ADAMTS3: variants seen among roughly 807,000 people sequenced by gnomAD.
The protein encoded by ADAMTS3 is ADAM metallopeptidase with thrombospondin type 1 motif 3.
In ADAMTS3, 73 loss-of-function variants were observed where a neutral mutation model predicts 129.0. The ratio of observed to expected loss-of-function variants is 0.57; its 90% CI spans 0.47 to 0.69. ADAMTS3 has a LOEUF of 0.69. Ranked by LOEUF, ADAMTS3 falls within the 30% of genes least tolerant of loss-of-function variation. ADAMTS3 has a pLI of 0.00. For missense variants in ADAMTS3, 1,457 were observed against 1,514.5 expected (o/e 0.96, Z 0.63); for synonymous variants, 477 against 510.8 (o/e 0.93, Z 0.89).
chr4:72,454,804 G>A (rs1718499554), intron 3 of ADAMTS3, among the ~76,000 whole-genome samples: 1 of 151,662 alleles, frequency 6.6e-6, no homozygotes, highest in African/African-American at 2.4e-5. Context: ...TATGAAGCCA[G>A]AATCTGGGCT....
intron 4 of ADAMTS3, among the ~76,000 whole-genome samples, chr4:72,403,843 G>T (rs1359181764): frequency 2.6e-5 from 4 of 151,892 alleles, no homozygotes; most frequent in African/African-American, 9.7e-5. Flanking sequence ...ATAAATATTA[G>T]AACTTGCACA....
chr4:72,568,458 A>G (rs559787653), intron 1 of ADAMTS3, among the ~76,000 whole-genome samples: 2 of 152,206 alleles, frequency 1.3e-5, no homozygotes, highest in South Asian at 4.1e-4. Flanking sequence ...GTGAAGCCCT[A>G]GGTGTGACAA....
intron 3 of ADAMTS3, among the ~76,000 whole-genome samples, chr4:72,463,245 T>C (rs1718821236): frequency 6.6e-6 from 1 of 151,966 alleles, no homozygotes; most frequent in Non-Finnish European, 1.5e-5. Flanking sequence ...TCTGGGTTTG[T>C]GTAAGTACAC....
chr4:72,396,861 T>C (rs1721738598), intron 4 of ADAMTS3, among the ~76,000 whole-genome samples: 2 of 152,222 alleles, frequency 1.3e-5, no homozygotes, highest in Admixed American at 1.3e-4. Flanking sequence ...GCCTACGGAA[T>C]GCTGTTGCGC....
chr4:72,470,376 T>TATATATATAC (rs557625827), intron 3 of ADAMTS3, among the ~76,000 whole-genome samples: 161 of 137,966 alleles, frequency 1.2e-3, no homozygotes, highest in African/African-American at 2.1e-3. Flanking sequence ...TATATATATA[T>TATATATATAC]ACACACACAC....
chr4:72,349,354 G>A (rs758851195), intron 4 of ADAMTS3, among the ~76,000 whole-genome samples: 22 of 151,694 alleles, frequency 1.5e-4, no homozygotes, highest in South Asian at 2.1e-4. Flanking sequence ...TAAATCCTTC[G>A]TCAAGGATAC....
chr4:72,308,758 TG>T (rs113337017), intron 15 of ADAMTS3, among the ~76,000 whole-genome samples: 2,275 of 152,122 alleles, frequency 0.015, 52 homozygotes, highest in African/African-American at 0.053. Context: ...GACAGCTTTT[TG>T]TTCCACCTTT....
intron 5 of ADAMTS3, among the ~76,000 whole-genome samples, chr4:72,337,441 T>C (rs545835729): frequency 6.6e-6 from 1 of 151,630 alleles, no homozygotes; most frequent in African/African-American, 2.4e-5. Context: ...CATTTTCACA[T>C]GTCCTTCAAA....
chr4:72,385,905 T>A (rs539359028), intron 4 of ADAMTS3, among the ~76,000 whole-genome samples: 11 of 152,298 alleles, frequency 7.2e-5, no homozygotes, highest in African/African-American at 2.2e-4. Context: ...TATTCCAAAT[T>A]TATTAGGAAG....
chr4:72,391,124 A>G (rs1371441149), intron 4 of ADAMTS3, among the ~76,000 whole-genome samples: 1 of 152,178 alleles, frequency 6.6e-6, no homozygotes, highest in Admixed American at 6.5e-5. Context: ...GGGCATTTGG[A>G]ATAAAGGACC....
intron 3 of ADAMTS3, among the ~76,000 whole-genome samples, chr4:72,505,931 G>A (rs1720148777): frequency 6.6e-6 from 1 of 152,160 alleles, no homozygotes; most frequent in African/African-American, 2.4e-5. Flanking sequence ...AGTGGAGATG[G>A]TGTCCCTGCA....
Position 72,298,306 on chromosome 4 carries a change from C to A in ADAMTS3, c.2561G>T (p.Trp854Leu). The A allele has an allele frequency of 1.2e-6, 2 of 1,612,848 alleles. No homozygotes were observed. The highest frequency in any genetic ancestry group is 1.1e-5 in the South Asian group (1 of 91,010). ...LDTFEWALKSWSQCSKPCGGG... is the reference protein window; with the variant it reads ...LDTFEWALKSLSQCSKPCGGG... Reference sequence around the variant, plus strand: ...ACCACAGGGTTTGGAACACTGAGACCAGCTCTTCAAAGCCCACTCAAAAGT... The same window carrying A: ...ACCACAGGGTTTGGAACACTGAGACAAGCTCTTCAAAGCCCACTCAAAAGT... The change falls in exon 18 of 22, where the codon TGG becomes TTG. Residue 854 changes from tryptophan (W) to leucine (L), a missense_variant. Transcript: ENST00000286657.
chr4:72,519,223 G>GCTTCC (rs1301849848), intron 3 of ADAMTS3, among the ~76,000 whole-genome samples: 2 of 152,178 alleles, frequency 1.3e-5, no homozygotes, highest in African/African-American at 2.4e-5. Context: ...AGTCTGATGG[G>GCTTCC]CTTCCCTTTG....
chr4:72,374,149 G>A (rs754756916), intron 4 of ADAMTS3, among the ~76,000 whole-genome samples: 6 of 151,686 alleles, frequency 4.0e-5, no homozygotes, highest in African/African-American at 9.7e-5. Flanking sequence ...TGAAGCTTAC[G>A]GCCATTTTAG....
intron 3 of ADAMTS3, among the ~76,000 whole-genome samples, chr4:72,451,763 T>G (rs1718413088): frequency 6.6e-6 from 1 of 151,838 alleles, no homozygotes; most frequent in African/African-American, 2.4e-5. Context: ...CATATATAAA[T>G]GAAGCATTAT....
At chr4:72,370,928 G>A (rs550983156) in intron 4 of ADAMTS3, among the ~76,000 whole-genome samples, 12 of 152,234 alleles carry the variant, frequency 7.9e-5, no homozygotes, top group African/African-American at 2.2e-4. Context: ...ACTGATGTAC[G>A]CAAGATCAAG....
In ADAMTS3 at chr4:72,482,649, T is replaced by C. The variant is rs150830354; in HGVS notation, c.504+65829A>G. Among the ~76,000 whole-genome samples, 1,001 of 152,248 alleles carry C rather than the reference T, an allele frequency of 6.6e-3. 6 individuals are homozygous for C. Among genetic ancestry groups the C allele is most frequent in the African/African-American group, 0.023 (952 of 41,550 alleles). ...TATCATACTGTAGTTGAGGATGTTA[T>C]TGAGGGAAACAGAAAAGAGTACACT... On this transcript the variant is annotated intron_variant, in intron 3 of 21. Transcript: ENST00000286657.
At chr4:72,354,192 C>G in intron 4 of ADAMTS3, among the ~76,000 whole-genome samples, 1 of 151,886 alleles carries the variant, frequency 6.6e-6, no homozygotes, top group Non-Finnish European at 1.5e-5. Context: ...ATAAAATATT[C>G]CTAGAAGCAC....
intron 3 of ADAMTS3, among the ~76,000 whole-genome samples, chr4:72,501,703 C>T (rs914873836): frequency 2.0e-5 from 3 of 152,126 alleles, no homozygotes; most frequent in Non-Finnish European, 4.4e-5. Flanking sequence ...AAGGGGAATG[C>T]TTCCAGTTCT....
Sources: gnomAD v4.1 joint callset for allele counts (sites outside exome capture counted in the v4.1 genomes callset) on GRCh38, gnomAD v4.1.1 for gene constraint, MANE v1.5 for transcripts, NCBI Gene and HGNC (gene_info 2026-07-23, HGNC 2026-07-21) for gene names.